Variants in TGS1 observed in about 807,000 individuals in gnomAD.
The protein encoded by TGS1 is trimethylguanosine synthase 1, also known as trimethylguanosine synthase.
Under a neutral mutation model 92.2 loss-of-function variants are expected in TGS1, and 69 were observed. The observed-to-expected ratio is 0.75, with a 90% CI of 0.62 to 0.91. TGS1 has a LOEUF of 0.91. TGS1 is among the 40% of genes least tolerant of loss of function. The pLI, the probability that TGS1 is intolerant of heterozygous loss-of-function variation, is 0.00. For missense variants in TGS1, 1,062 were observed against 1,001.2 expected (o/e 1.06, Z -0.82); for synonymous variants, 345 against 338.1 (o/e 1.02, Z -0.22).
In TGS1 at chr8:55,786,288, A is replaced by G. The variant is rs753481029; in HGVS notation, c.390A>G (p.Gln130=). The change falls in exon 4 of 13, where the codon CAA becomes CAG. Residue 130 remains glutamine, a synonymous_variant. Coordinates refer to ENST00000260129, the MANE Select transcript of TGS1 (RefSeq NM_024831.8). The part of the protein sequence containing the change: ...NKVKIKKKKH[Q]KKYLDEIVQE... ...TTAAAATAAAAAAGAAAAAACATCA[A>G]AAGAAATACTTAGATGAAATTGTGC... 1.4e-5 allele frequency: 22 copies of G among 1,549,352 alleles called. No homozygotes were observed. The South Asian group carries it at 2.5e-4, about 18-fold the overall frequency.
rs376118644 is a variant in TGS1, at chr8:55,824,717, C to T, written c.*14C>T. ...TCTGAAACCTAACTATGCAGCAGTG[C>T]GAGGACAAAAGATCATGGAGTGGTC... is the stretch of plus-strand genomic sequence containing the variant. On this transcript the variant is annotated 3_prime_UTR_variant, in exon 13 of 13. Transcript: ENST00000260129. The T allele has an allele frequency of 3.5e-5, 57 of 1,613,632 alleles. No individual in the cohort carries two copies. The African/African-American group carries it at 6.0e-4, about 17-fold the overall frequency.
rs1812145468 is a variant in TGS1 at position 55,799,116 on chromosome 8, T to C, written c.1745T>C (p.Leu582Pro). ...CAGAGCGTATCTTCAGCTGGTGAAC[T>C]TGAAACAGAAAACTATGAAAGAGAC... Reference protein sequence around the residue: ...KCQSVSSAGELETENYERDSL... With the variant: ...KCQSVSSAGEPETENYERDSL... The change falls in exon 8 of 13, where the codon CTT becomes CCT. Residue 582 changes from leucine (L) to proline (P), a missense_variant. Physicochemically the swap from Leu to Pro is moderately conservative, Grantham distance 98. Transcript: ENST00000260129. 3 of 1,614,120 alleles carry C rather than the reference T, an allele frequency of 1.9e-6. No homozygotes were observed. Among genetic ancestry groups the C allele is most frequent in the Non-Finnish European group, 2.5e-6 (3 of 1,180,016 alleles).
chr8:55,776,245 G>A (rs1811393753), intron 1 of TGS1, among the ~76,000 whole-genome samples: 1 of 151,542 alleles, frequency 6.6e-6, no homozygotes, highest in Non-Finnish European at 1.5e-5. Context: ...TAATTAGAAA[G>A]GAACCGAACT....
At chr8:55,784,567 C>G (rs1227071072) in intron 2 of TGS1, among the ~76,000 whole-genome samples, 1 of 152,168 alleles carries the variant, frequency 6.6e-6, no homozygotes, top group African/African-American at 2.4e-5. Flanking sequence ...CTCAAGCAGC[C>G]TCTCAAAATG....
intron 12 of TGS1, among the ~76,000 whole-genome samples, chr8:55,816,127 T>C (rs971493244): frequency 6.6e-6 from 1 of 152,070 alleles, no homozygotes; most frequent in Non-Finnish European, 1.5e-5. Flanking sequence ...AGTAAGCATA[T>C]TTTATCTGCT....
At chr8:55,781,518 G>T (rs16922236) in intron 1 of TGS1, among the ~76,000 whole-genome samples, 7,556 of 152,148 alleles carry the variant, frequency 0.05, 303 homozygotes, top group Non-Finnish European at 0.079. Flanking sequence ...AACCATACTG[G>T]TCCTCTCCTC....
At chr8:55,804,709 G>A (rs1812314710) in intron 9 of TGS1, among the ~76,000 whole-genome samples, 184 bp from the exon 10 acceptor site, 1 of 152,236 alleles carries the variant, frequency 6.6e-6, no homozygotes, top group Non-Finnish European at 1.5e-5. Flanking sequence ...TGGAAATTGG[G>A]AATGGTACTG....
At position 55,786,953 on chromosome 8, in the gene TGS1, G is replaced by C. The variant is rs781050854; in HGVS notation, c.1055G>C (p.Ser352Thr). 6.2e-7 allele frequency: 1 copy of C among 1,614,120 alleles called. No homozygotes were observed. The highest frequency in any genetic ancestry group is 8.5e-7 in the Non-Finnish European group (1 of 1,180,022). The change falls in exon 4 of 13, where the codon AGT becomes ACT. Residue 352 changes from serine to threonine, a missense_variant. Ser to Thr is a moderately conservative substitution (Grantham distance 58). Coordinates refer to ENST00000260129, the MANE Select transcript of TGS1 (RefSeq NM_024831.8). ...GGTCATCAACAGCTAAGTGAAGTTAGTAGCAAAAGAGAGTGCCCTGCTTCC... is the reference window on the plus strand; with the variant it reads ...GGTCATCAACAGCTAAGTGAAGTTACTAGCAAAAGAGAGTGCCCTGCTTCC... ...HDGHQQLSEV[S>T]SKRECPASGQ...
At chr8:55,811,965 A>G (rs1294284770) in intron 11 of TGS1, among the ~76,000 whole-genome samples, 1 of 152,160 alleles carries the variant, frequency 6.6e-6, no homozygotes, top group African/African-American at 2.4e-5. Context: ...GAACACATAC[A>G]TTGGACTTAT....
In TGS1 at chr8:55,773,570, C is replaced by T. The variant is rs777794536; in HGVS notation, c.-49C>T. 2.0e-6 allele frequency: 3 copies of T among 1,467,570 alleles called. No homozygotes were observed. Among genetic ancestry groups the T allele is most frequent in the Non-Finnish European group, 2.8e-6 (3 of 1,064,620 alleles). The allele number at this position is 1,467,570 out of a possible 1,614,324, so 90.9% of individuals were successfully genotyped here. ...CTCCAGTAACCGAGCGGAGGCCCGG[C>T]AGGCGCGACCCGGGCTGCGTACGTC... On this transcript the variant is annotated 5_prime_UTR_variant, in exon 1 of 13. Coordinates refer to ENST00000260129, the MANE Select transcript of TGS1 (RefSeq NM_024831.8).
chr8:55,816,470 A>T (rs1426807437), intron 12 of TGS1, among the ~76,000 whole-genome samples: 1 of 152,206 alleles, frequency 6.6e-6, no homozygotes, highest in South Asian at 2.1e-4. Flanking sequence ...GCAGCTTCTC[A>T]TCCTTGTTTA....
At position 55,790,318 on chromosome 8, in the gene TGS1, C is replaced by T. The variant is rs1427717450; in HGVS notation, c.1280+19C>T. On this transcript the variant is annotated intron_variant, in intron 5 of 12. Transcript: ENST00000260129. ...AGAGGAGGTAAGTTACATGAGACCC[C>T]TCTCACCAGAGCGTGTTAGAGTAAG... The T allele has an allele frequency of 5.9e-6, 9 of 1,525,874 alleles. No individual in the cohort carries two copies. Among genetic ancestry groups the T allele is most frequent in the Non-Finnish European group, 7.3e-6 (8 of 1,100,098 alleles). 94.5% of individuals were successfully genotyped at this position (1,525,874 alleles called of 1,614,324 possible). A position where few individuals can be genotyped will look rare whatever the true frequency, so the allele number is the denominator to read the frequency against.
rs945648732 is a variant in TGS1 at position 55,806,492 on chromosome 8, C to T, written c.2143+1456C>T. On this transcript the variant is annotated intron_variant, in intron 10 of 12. Transcript: ENST00000260129. The stretch of plus-strand genomic sequence containing the variant: ...CTGTTTCTTTATTTTAGTAATACTA[C>T]ATATAATACATACAATGTACAAAAT... 7.3e-5 allele frequency among the ~76,000 whole-genome samples: 11 copies of T among 150,642 alleles called. No individual in the cohort carries two copies. The South Asian group carries it at 2.3e-3, about 32-fold the overall frequency.
rs142853626 is a variant in TGS1, at chr8:55,815,918, T to TTTTA, written c.2439+2828_2439+2831dup. Among the ~76,000 whole-genome samples, 1,339 of 150,660 alleles carry TTTTA rather than the reference T, an allele frequency of 8.9e-3. 13 individuals carry two copies. Among genetic ancestry groups the TTTTA allele is most frequent in the Middle Eastern group, 0.017 (5 of 292 alleles). On this transcript the variant is annotated intron_variant, in intron 12 of 12. Coordinates refer to ENST00000260129, the MANE Select transcript of TGS1 (RefSeq NM_024831.8). ...TTGCTGTTGAAACCCAAGGACTAAT[T>TTTTA]TTTATTTATTTATTTATTTATTTAT...
rs150424000 is a variant in TGS1 at position 55,814,436 on chromosome 8, T to C, written c.2439+1318T>C. Among the ~76,000 whole-genome samples, 75 of 152,038 alleles carry C rather than the reference T, an allele frequency of 4.9e-4. 1 individual carries two copies. Among genetic ancestry groups the C allele is most frequent in the African/African-American group, 1.7e-3 (70 of 41,462 alleles). ...AGCCTGAGCTCTTATTGTTAAGCAATGAAATTAGATCTTGCTGCCTTTCAT... is the reference window on the plus strand; with the variant it reads ...AGCCTGAGCTCTTATTGTTAAGCAACGAAATTAGATCTTGCTGCCTTTCAT... On this transcript the variant is annotated intron_variant, in intron 12 of 12. Transcript: ENST00000260129.
chr8:55,816,293 T>G (rs1803475330), intron 12 of TGS1, among the ~76,000 whole-genome samples: 1 of 152,322 alleles, frequency 6.6e-6, no homozygotes, highest in East Asian at 1.9e-4. Context: ...GATGGAAATC[T>G]CTGAACAGAC....
chr8:55,823,236 T>C (rs1365070980), intron 12 of TGS1, among the ~76,000 whole-genome samples: 1 of 152,194 alleles, frequency 6.6e-6, no homozygotes, highest in Non-Finnish European at 1.5e-5. Context: ...CAAAACCTTA[T>C]CTGTATAAGA....
intron 4 of TGS1, 111 bp downstream of exon 4, chr8:55,787,171 C>A (rs1168367251): frequency 8.5e-6 from 6 of 706,044 alleles, no homozygotes; most frequent in Non-Finnish European, 1.4e-5. Context: ...AAGTACATTT[C>A]ATATAATAAT....
At chr8:55,801,218 T>C (rs1812202800) in intron 8 of TGS1, among the ~76,000 whole-genome samples, 1 of 152,226 alleles carries the variant, frequency 6.6e-6, no homozygotes, top group South Asian at 2.1e-4. Context: ...TTTCTACATA[T>C]GTCCTGTCAC....
Sources: allele counts gnomAD v4.1 joint callset (sites outside exome capture counted in the v4.1 genomes callset), GRCh38; gene constraint gnomAD v4.1.1; transcripts MANE v1.5; gene names NCBI Gene and HGNC (gene_info 2026-07-23, HGNC 2026-07-21).